CRYBG1: variants seen among roughly 807,000 people sequenced by gnomAD.
CRYBG1 encodes the protein beta/gamma crystallin domain-containing protein 1.
A neutral mutation model predicts 189.2 loss-of-function variants in CRYBG1; 139 were observed. The observed-to-expected ratio is 0.73, with a 90% confidence interval of 0.64 to 0.85. The LOEUF (loss-of-function observed/expected upper bound fraction) is 0.85. CRYBG1 is among the 40% of genes least tolerant of loss of function. The pLI, the probability that CRYBG1 is intolerant of heterozygous loss-of-function variation, is 0.00. For synonymous variants in CRYBG1, 1,023 were observed against 1,017.1 expected (o/e 1.01, Z -0.11); for missense variants, 2,611 against 2,675.8 (o/e 0.98, Z 0.53).
Position 106,571,844 on chromosome 6 carries a change from G to T in CRYBG1, c.*3278G>T. 3 of 550,454 alleles carry T rather than the reference G, an allele frequency of 5.5e-6. No individual in the cohort carries two copies. Among genetic ancestry groups the T allele is most frequent in the African/African-American group, 1.9e-5 (1 of 52,162 alleles). 34.1% of individuals were successfully genotyped at this position (550,454 alleles called of 1,614,324 possible). On this transcript the variant is annotated 3_prime_UTR_variant, in exon 22 of 22. Transcript: ENST00000633556. ...TGCTGATATTTTTATATCAATTACTGGCCAAAATGGTGTGTTTATTTTTTA... is the reference window on the plus strand; with the variant it reads ...TGCTGATATTTTTATATCAATTACTTGCCAAAATGGTGTGTTTATTTTTTA...
At chr6:106,472,995 T>G (rs1011388866) in intron 2 of CRYBG1, among the ~76,000 whole-genome samples, 4 of 152,190 alleles carry the variant, frequency 2.6e-5, no homozygotes, top group Admixed American at 2.0e-4. Flanking sequence ...TTCTAAAGTT[T>G]CTCTCTTGTT....
intron 3 of CRYBG1, among the ~76,000 whole-genome samples, chr6:106,515,061 T>A (rs1773386438): frequency 6.6e-6 from 1 of 152,238 alleles, no homozygotes; most frequent in Non-Finnish European, 1.5e-5. Context: ...TAAGAAAAAC[T>A]ATTTCGTATT....
Position 106,540,278 on chromosome 6 carries a change from C to T in CRYBG1, c.4845+749C>T, listed in dbSNP as rs538358855. Among the ~76,000 whole-genome samples the T allele has an allele frequency of 2.6e-5, 4 of 152,294 alleles. No homozygotes were observed. The South Asian group carries it at 6.2e-4, about 24-fold the overall frequency. On this transcript the variant is annotated intron_variant, in intron 9 of 21. Coordinates refer to ENST00000633556, the MANE Select transcript of CRYBG1 (RefSeq NM_001371242.2). ...TGTGCTGCAGCATGGAAGTTGTTCC[C>T]TAAATACCCACAGTGAGATGAGGCT...
chr6:106,391,857 T>G (rs1278298180), intron 1 of CRYBG1, among the ~76,000 whole-genome samples: 1 of 152,072 alleles, frequency 6.6e-6, no homozygotes, highest in Non-Finnish European at 1.5e-5. Context: ...CTCCAAATTC[T>G]TGTCATTAGA....
intron 1 of CRYBG1, among the ~76,000 whole-genome samples, chr6:106,375,409 G>A (rs918817362): frequency 2.2e-5 from 3 of 139,274 alleles, no homozygotes; most frequent in African/African-American, 8.6e-5. Context: ...AAGTAAGTAA[G>A]TAAGTAAGTA....
intron 21 of CRYBG1, among the ~76,000 whole-genome samples, 185 bp from the exon 22 acceptor site, chr6:106,568,287 T>C (rs1582847854): frequency 2.6e-5 from 4 of 152,212 alleles, no homozygotes; most frequent in South Asian, 4.1e-4. Flanking sequence ...GATTCACCCA[T>C]GGCAGGTTGA....
At chr6:106,456,927 C>T (rs140895166) in intron 2 of CRYBG1, among the ~76,000 whole-genome samples, 1 of 152,310 alleles carries the variant, frequency 6.6e-6, no homozygotes, top group East Asian at 1.9e-4. Flanking sequence ...AATACATCAA[C>T]ATTATCACTG....
chr6:106,427,693 A>AT (rs1041318351), intron 1 of CRYBG1, among the ~76,000 whole-genome samples: 4 of 152,012 alleles, frequency 2.6e-5, no homozygotes, highest in African/African-American at 9.7e-5. Flanking sequence ...ATTAAAAAAC[A>AT]TTTTTTTCCT....
intron 2 of CRYBG1, among the ~76,000 whole-genome samples, chr6:106,504,651 TTGTGTGTG>T (rs1168796186): frequency 6.6e-6 from 1 of 151,732 alleles, no homozygotes; most frequent in Non-Finnish European, 1.5e-5. Context: ...GTGTGTGTGT[TTGTGTGTG>T]TGTATATGTG....
chr6:106,478,065 T>A (rs1311504114), intron 2 of CRYBG1, among the ~76,000 whole-genome samples: 1 of 152,192 alleles, frequency 6.6e-6, no homozygotes, highest in Non-Finnish European at 1.5e-5. Flanking sequence ...GCCCCTAAGC[T>A]GGGATGTGAG....
Position 106,511,868 on chromosome 6 carries a change from A to G in CRYBG1, c.751A>G (p.Thr251Ala). The stretch of plus-strand genomic sequence containing the variant: ...AGAGCCTTTCCCAGATGCCACCACC[A>G]CTGCCAAGCAGCTGCATTCCTCGCC... ...EGEPFPDATT[T>A]AKQLHSSPGN... The change falls in exon 3 of 22, where the codon ACT becomes GCT. Residue 251 changes from threonine to alanine, a missense_variant. Transcript: ENST00000633556. 1.3e-6 allele frequency: 2 copies of G among 1,516,300 alleles called. No homozygotes were observed. Among genetic ancestry groups the G allele is most frequent in the Non-Finnish European group, 1.8e-6 (2 of 1,134,690 alleles). 93.9% of individuals were successfully genotyped at this position (1,516,300 alleles called of 1,614,324 possible). A position where few individuals can be genotyped will look rare whatever the true frequency, so the allele number is the denominator to read the frequency against.
chr6:106,543,252 A>G (rs1243209411), intron 10 of CRYBG1, among the ~76,000 whole-genome samples, 188 bp from the exon 11 acceptor site: 1 of 152,024 alleles, frequency 6.6e-6, no homozygotes, highest in African/African-American at 2.4e-5. Flanking sequence ...CTGGTCTCGA[A>G]CTCCTGACCT....
At position 106,521,408 on chromosome 6, in the gene CRYBG1, T is replaced by G; in HGVS notation, c.4200T>G (p.Tyr1400Ter). ...DFMGLFKSSR[Y>*]DPSISFSGMS... ...TGGGTCTTTTCAAATCAAGCCGGTA[T>G]GACCCAAGCATTTCTTTTTCTGGAA... Residue 1400 changes from tyrosine to a stop codon, truncating the protein, a stop_gained, in exon 4 of 22, where the codon TAT (tyrosine) becomes TAG (stop). Transcript: ENST00000633556. LOFTEE classifies it high-confidence loss of function. 1 of 1,599,668 alleles carries G rather than the reference T, an allele frequency of 6.3e-7. No homozygotes were observed. Among genetic ancestry groups the G allele is most frequent in the Non-Finnish European group, 8.5e-7 (1 of 1,175,298 alleles).
At chr6:106,430,245 A>G (rs1771299864) in intron 1 of CRYBG1, among the ~76,000 whole-genome samples, 1 of 152,148 alleles carries the variant, frequency 6.6e-6, no homozygotes, top group South Asian at 2.1e-4. Context: ...AGCCTAGGCA[A>G]CGTAGCGAAA....
Position 106,561,340 on chromosome 6 carries a change from A to C in CRYBG1, c.5980-2A>C. The C allele has an allele frequency of 2.5e-6, 4 of 1,613,708 alleles. No homozygotes were observed. The highest frequency in any genetic ancestry group is 3.4e-6 in the Non-Finnish European group (4 of 1,179,806). The stretch of plus-strand genomic sequence containing the variant: ...ACAACTGCTGGGGGTTTTGTCTTCT[A>C]GAAGCGAATTTATTTCAGACTTCGA... On this transcript the variant is annotated splice_acceptor_variant, in intron 19 of 21. Transcript: ENST00000633556. LOFTEE classifies it high-confidence loss of function.
Position 106,552,177 on chromosome 6 carries a change from T to G in CRYBG1, c.5440-7T>G. The G allele has an allele frequency of 6.3e-7, 1 of 1,586,016 alleles. No homozygotes were observed. Among genetic ancestry groups the G allele is most frequent in the East Asian group, 2.3e-5 (1 of 44,422 alleles). Reference sequence around the variant, plus strand: ...TTTCCTTTTCTCCTTCCTTTAAAAATTTTTAGGATTCTTTCACTGGCCCAA... The same window carrying G: ...TTTCCTTTTCTCCTTCCTTTAAAAAGTTTTAGGATTCTTTCACTGGCCCAA... On this transcript the variant is annotated splice_region_variant and splice_polypyrimidine_tract_variant and intron_variant, in intron 14 of 21. Coordinates refer to ENST00000633556, the MANE Select transcript of CRYBG1 (RefSeq NM_001371242.2).
intron 1 of CRYBG1, among the ~76,000 whole-genome samples, chr6:106,383,225 A>G (rs1342151431): frequency 6.6e-6 from 1 of 152,230 alleles, no homozygotes; most frequent in Non-Finnish European, 1.5e-5. Context: ...TGTAAAAAGC[A>G]GATTTCTGTT....
At chr6:106,483,986 A>G (rs975260900) in intron 2 of CRYBG1, among the ~76,000 whole-genome samples, 2 of 152,174 alleles carry the variant, frequency 1.3e-5, no homozygotes, top group Admixed American at 1.3e-4. Flanking sequence ...TTTGGGTTTT[A>G]CATTTAAGTC....
rs112014372 is a variant in CRYBG1 at position 106,366,469 on chromosome 6, AT to A, written c.173+5390del. On this transcript the variant is annotated intron_variant, in intron 1 of 21. Coordinates refer to ENST00000633556, the MANE Select transcript of CRYBG1 (RefSeq NM_001371242.2). ...TATGATCTGTGACCTATCTCTTAAC[AT>A]TGTTTTTGAGAGTTATAAATATATA... Among the ~76,000 whole-genome samples the A allele has an allele frequency of 3.6e-3, 547 of 152,292 alleles. 4 individuals carry two copies. The highest frequency in any genetic ancestry group is 0.012 in the African/African-American group (509 of 41,548).
Sources: allele counts gnomAD v4.1 joint callset (sites outside exome capture counted in the v4.1 genomes callset), GRCh38; gene constraint gnomAD v4.1.1; transcripts MANE v1.5; gene names NCBI Gene and HGNC (gene_info 2026-07-23, HGNC 2026-07-21).